CACNA1E: variants seen among roughly 807,000 people sequenced by gnomAD.
CACNA1E encodes calcium voltage-gated channel subunit alpha1 E.
A neutral mutation model predicts 259.2 loss-of-function variants in CACNA1E; 40 were observed. The observed-to-expected ratio is 0.15, with a 90% CI of 0.12 to 0.20. CACNA1E has a LOEUF of 0.20. Among genes scored for constraint, CACNA1E ranks in the 10% least tolerant of loss-of-function variants. The pLI is 1.00. For missense variants in CACNA1E, 1,874 were observed against 3,040.1 expected (o/e 0.62, Z 9.02); for synonymous variants, 1,104 against 1,138.5 (o/e 0.97, Z 0.61).
At chr1:181,487,969 C>T (rs1425543952) in intron 1 of CACNA1E, among the ~76,000 whole-genome samples, 5 of 152,094 alleles carry the variant, frequency 3.3e-5, no homozygotes, top group South Asian at 2.1e-4. Flanking sequence ...TGTTTGCAGC[C>T]CTGAGATAAT....
intron 6 of CACNA1E, among the ~76,000 whole-genome samples, chr1:181,591,413 A>T (rs1409438843): frequency 6.6e-6 from 1 of 152,232 alleles, no homozygotes; most frequent in Non-Finnish European, 1.5e-5. Flanking sequence ...CAATACTGTG[A>T]AACTAAAATA....
At chr1:181,545,791 G>A (rs187493928) in intron 3 of CACNA1E, among the ~76,000 whole-genome samples, 3 of 152,262 alleles carry the variant, frequency 2.0e-5, no homozygotes, top group Admixed American at 2.0e-4. Context: ...CCCCTTTCAT[G>A]TCCCTCTGTC....
rs77558962 is a variant in CACNA1E at position 181,733,839 on chromosome 1, C to T, written c.3262+89C>T. On this transcript the variant is annotated intron_variant, in intron 21 of 47. Transcript: ENST00000367573. ...GACAATAAAGCCACATGGAAAGCAC[C>T]ACCAGGAGGAGTAAATCATCCTTCA... 188 of 955,486 alleles carry T rather than the reference C, an allele frequency of 2.0e-4. 1 individual carries two copies. The African/African-American group carries it at 3.0e-3, about 15-fold the overall frequency. The allele number at this position is 955,486 out of a possible 1,614,324, so 59.2% of individuals were successfully genotyped here. A position where few individuals can be genotyped will look rare whatever the true frequency, so the allele number is the denominator to read the frequency against.
At chr1:181,476,687 C>G (rs898181511) in intron 2 of CACNA1E, among the ~76,000 whole-genome samples, 1 of 152,212 alleles carries the variant, frequency 6.6e-6, no homozygotes, top group Non-Finnish European at 1.5e-5. Flanking sequence ...GGCCTGAGCC[C>G]ACCCGGGCTG....
intron 6 of CACNA1E, among the ~76,000 whole-genome samples, chr1:181,618,743 C>T (rs896199862): frequency 2.0e-5 from 3 of 152,294 alleles, no homozygotes; most frequent in African/African-American, 4.8e-5. Flanking sequence ...ACTATATTGA[C>T]GTTGATCACT....
At chr1:181,639,679 C>G (rs1452614887) in intron 6 of CACNA1E, among the ~76,000 whole-genome samples, 1 of 152,148 alleles carries the variant, frequency 6.6e-6, no homozygotes, top group African/African-American at 2.4e-5. Context: ...TCCGATGTTT[C>G]CCAGATTGGA....
Position 181,798,975 on chromosome 1 carries a change from T to A in CACNA1E, c.*141T>A. On this transcript the variant is annotated 3_prime_UTR_variant, in exon 48 of 48. Coordinates refer to ENST00000367573, the MANE Select transcript of CACNA1E (RefSeq NM_001205293.3). The surrounding 1 kb of genome is among the most constrained non-coding windows in gnomAD (Gnocchi z 4.2). ...CCATGCATTATCAGAGAAGAGGAAG[T>A]AAAGGACAATCAGAACACCAGTCAA... The A allele has an allele frequency of 5.5e-6, 4 of 730,126 alleles. No individual in the cohort carries two copies. The highest frequency in any genetic ancestry group is 8.2e-6 in the Non-Finnish European group (4 of 486,070). The allele number at this position is 730,126 out of a possible 1,614,324, so 45.2% of individuals were successfully genotyped here.
At chr1:181,435,139 A>G (rs1659999521) in intron 2 of CACNA1E, among the ~76,000 whole-genome samples, 2 of 152,214 alleles carry the variant, frequency 1.3e-5, no homozygotes, top group Admixed American at 1.3e-4. Context: ...CTATATTTAT[A>G]ACACAGGAGT....
intron 2 of CACNA1E, among the ~76,000 whole-genome samples, chr1:181,417,724 A>G (rs1003419555): frequency 6.6e-6 from 1 of 152,066 alleles, no homozygotes; most frequent in Non-Finnish European, 1.5e-5. Context: ...CTCAAATCCC[A>G]TCATTTCCTG....
intron 6 of CACNA1E, among the ~76,000 whole-genome samples, chr1:181,622,678 T>C (rs1388533489): frequency 6.6e-6 from 1 of 152,226 alleles, no homozygotes; most frequent in African/African-American, 2.4e-5. Context: ...TCTCCAAATA[T>C]AGTGGGAGTT....
chr1:181,734,107 G>C (rs369443655), intron 21 of CACNA1E, among the ~76,000 whole-genome samples: 7 of 152,092 alleles, frequency 4.6e-5, no homozygotes, highest in African/African-American at 1.4e-4. Flanking sequence ...TGGCAAGTTA[G>C]GGAGCCTCTG....
At chr1:181,797,745 G>A (rs1239432090) in intron 47 of CACNA1E, among the ~76,000 whole-genome samples, 1 of 152,170 alleles carries the variant, frequency 6.6e-6, no homozygotes, top group Non-Finnish European at 1.5e-5. Flanking sequence ...GAATAGGTGA[G>A]GGCAAGTATG....
At chr1:181,435,871 C>T (rs1660050260) in intron 2 of CACNA1E, among the ~76,000 whole-genome samples, 1 of 152,120 alleles carries the variant, frequency 6.6e-6, no homozygotes, top group Non-Finnish European at 1.5e-5. Flanking sequence ...AATAACCTAA[C>T]ATTATAACAA....
chr1:181,447,652 A>T (rs945859100), intron 2 of CACNA1E, among the ~76,000 whole-genome samples: 1 of 152,218 alleles, frequency 6.6e-6, no homozygotes, highest in East Asian at 1.9e-4. Flanking sequence ...CAAATTTATT[A>T]TCTTACAATT....
Position 181,805,104 on chromosome 1 carries a change from A to C in CACNA1E, c.*6270A>C, listed in dbSNP as rs1662541515. The C allele has an allele frequency of 6.6e-6, 1 of 152,126 alleles. No individual in the cohort carries two copies. Among genetic ancestry groups the C allele is most frequent in the Non-Finnish European group, 1.5e-5 (1 of 68,006 alleles). 9.4% of individuals were successfully genotyped at this position (152,126 alleles called of 1,614,324 possible). A position where few individuals can be genotyped will look rare whatever the true frequency, so the allele number is the denominator to read the frequency against. On this transcript the variant is annotated 3_prime_UTR_variant, in exon 48 of 48. Coordinates refer to ENST00000367573, the MANE Select transcript of CACNA1E (RefSeq NM_001205293.3). ...CGAATCTTTTCTCTTTTTGTCCTAC[A>C]AGTTTGTCAGAGATGAGAATGGATT...
At chr1:181,751,949 G>T in intron 26 of CACNA1E, 194 bp from the exon 27 acceptor site, 1 of 692,034 alleles carries the variant, frequency 1.4e-6, no homozygotes, top group Non-Finnish European at 2.6e-6. Context: ...ACTGGGAAGT[G>T]ATTTGAGAAT....
At chr1:181,392,332 C>G (rs1656358883) in intron 1 of CACNA1E, among the ~76,000 whole-genome samples, 2 of 152,160 alleles carry the variant, frequency 1.3e-5, no homozygotes, top group African/African-American at 2.4e-5. Context: ...AAGAATGGTT[C>G]AAACCTCACC....
At chr1:181,777,732 A>G (rs1228216750) in intron 38 of CACNA1E, among the ~76,000 whole-genome samples, 1 of 152,224 alleles carries the variant, frequency 6.6e-6, no homozygotes, top group Non-Finnish European at 1.5e-5. Flanking sequence ...ATGATATTAA[A>G]TCATGTGTAA....
At chr1:181,680,346 G>A (rs1257122138) in intron 7 of CACNA1E, among the ~76,000 whole-genome samples, 1 of 152,074 alleles carries the variant, frequency 6.6e-6, no homozygotes, top group African/African-American at 2.4e-5. Flanking sequence ...CAGGTCTGAC[G>A]TGCTATGATG....
Sources: gnomAD v4.1 joint callset for allele counts (sites outside exome capture counted in the v4.1 genomes callset) on GRCh38, gnomAD v4.1.1 for gene constraint, Gnocchi (gnomAD v3.1) non-coding constraint, MANE v1.5 for transcripts, NCBI Gene and HGNC (gene_info 2026-07-23, HGNC 2026-07-21) for gene names.